Variants in NME1 observed in about 807,000 individuals in gnomAD.
NME1 encodes the protein nucleoside diphosphate kinase A.
Under a neutral mutation model 17.2 loss-of-function variants are expected in NME1, and 9 were observed. That is an observed-to-expected ratio of 0.52 (90% CI 0.32 to 0.92). The LOEUF (loss-of-function observed/expected upper bound fraction) is 0.92, where lower values mean the gene tolerates loss of function less well. NME1 is among the 40% of genes least tolerant of loss of function. The probability of loss-of-function intolerance (pLI) is 0.04; values close to 1 mark genes in which losing one functional copy is unlikely to be tolerated. For missense variants in NME1, 169 were observed against 201.7 expected (o/e 0.84, Z 0.98); for synonymous variants, 72 against 70.8 (o/e 1.02, Z -0.09).
At chr17:51,154,038 G>A (rs1181840218) in intron 1 of NME1, 2 of 348,928 alleles carry the variant, frequency 5.7e-6, no homozygotes, top group East Asian at 1.3e-4. Flanking sequence ...CGGGACCGAT[G>A]TGGAGGGACA....
intron 2 of NME1, 71 bp downstream of exon 2, chr17:51,155,851 T>C: frequency 6.2e-7 from 1 of 1,601,324 alleles, no homozygotes; most frequent in Non-Finnish European, 8.5e-7. Context: ...AACCTGTTTC[T>C]CCCCGTCTTT....
intron 3 of NME1, 38 bp downstream of exon 3, chr17:51,160,119 G>A (rs1209538662): frequency 3.7e-6 from 6 of 1,607,174 alleles, no homozygotes; most frequent in South Asian, 1.1e-5. Context: ...AGTATGCATT[G>A]CTTGTCATCT....
At chr17:51,160,287 T>G in intron 3 of NME1, 1 of 672,570 alleles carries the variant, frequency 1.5e-6, no homozygotes, top group Non-Finnish European at 2.7e-6. Context: ...GATTGGGTGA[T>G]CAAAGAACGC....
Position 51,155,753 on chromosome 17 carries a change from C to T in NME1, c.99C>T (p.Phe33=). The change falls in exon 2 of 5, where the codon TTC becomes TTT. Residue 33 remains phenylalanine, a synonymous_variant. Coordinates refer to ENST00000393196, the MANE Select transcript of NME1 (RefSeq NM_000269.3). ...TCAAGCGTTTTGAGCAGAAAGGATT[C>T]CGCCTTGTTGGTCTGAAATTCATGC... The part of the protein sequence containing the change: ...EIIKRFEQKG[F]RLVGLKFMQA... The T allele has an allele frequency of 1.2e-6, 2 of 1,613,984 alleles. No individual in the cohort carries two copies. The highest frequency in any genetic ancestry group is 2.2e-5 in the South Asian group (2 of 91,066).
chr17:51,159,835 G>A, intron 2 of NME1, 145 bp from the exon 3 acceptor site: 3 of 869,624 alleles, frequency 3.4e-6, no homozygotes, highest in Non-Finnish European at 1.9e-6. Context: ...CTCCCTTCCA[G>A]TGTGGAGAAT....
In NME1 at chr17:51,162,065, T is replaced by A; in HGVS notation, c.*220T>A. 1 of 528,248 alleles carries A rather than the reference T, an allele frequency of 1.9e-6. No individual in the cohort carries two copies. Among genetic ancestry groups the A allele is most frequent in the Non-Finnish European group, 3.4e-6 (1 of 292,770 alleles). 32.7% of individuals were successfully genotyped at this position (528,248 alleles called of 1,614,324 possible). A position where few individuals can be genotyped will look rare whatever the true frequency, so the allele number is the denominator to read the frequency against. ...ATTCATTGAGTTGGTTACTTCATAT[T>A]GTTGCATTGCTTTTTTTTCCTTCTT... is the stretch of plus-strand genomic sequence containing the variant. On this transcript the variant is annotated 3_prime_UTR_variant, in exon 5 of 5. Transcript: ENST00000393196.
intron 2 of NME1, 57 bp from the exon 3 acceptor site, chr17:51,159,923 G>T: frequency 6.2e-7 from 1 of 1,601,012 alleles, no homozygotes; most frequent in Non-Finnish European, 8.6e-7. Context: ...AAATTAAATG[G>T]ATTATATGTC....
chr17:51,155,061 G>A (rs138714204), intron 1 of NME1, among the ~76,000 whole-genome samples: 138 of 151,884 alleles, frequency 9.1e-4, no homozygotes, highest in African/African-American at 3.2e-3. Context: ...CCAACATGGT[G>A]AAACCCCATC....
At chr17:51,156,785 G>A (rs1221559492) in intron 2 of NME1, among the ~76,000 whole-genome samples, 2 of 151,664 alleles carry the variant, frequency 1.3e-5, no homozygotes, top group Non-Finnish European at 2.9e-5. Context: ...CCAGCTACTC[G>A]GGAGGCTGAG....
At position 51,161,268 on chromosome 17, in the gene NME1, G is replaced by T; in HGVS notation, c.337G>T (p.Gly113Cys). 1 of 1,606,834 alleles carries T rather than the reference G, an allele frequency of 6.2e-7. No homozygotes were observed. The highest frequency in any genetic ancestry group is 8.5e-7 in the Non-Finnish European group (1 of 1,176,560). The change falls in exon 4 of 5, where the codon GGC (glycine) becomes TGC (cysteine). Residue 113 changes from glycine (G) to cysteine (C), a missense_variant. Physicochemically the swap from Gly to Cys is radical, Grantham distance 159 (BLOSUM62 -3). Transcript: ENST00000393196. The part of the protein sequence containing the change: ...TIRGDFCIQV[G>C]RNIIHGSDSV... Reference sequence around the variant, plus strand: ...CCGTGGAGACTTCTGCATACAAGTTGGCAGGTGAGATTTTGGTATTTTTCC... The same window carrying T: ...CCGTGGAGACTTCTGCATACAAGTTTGCAGGTGAGATTTTGGTATTTTTCC...
At chr17:51,158,060 A>T (rs1443572080) in intron 2 of NME1, among the ~76,000 whole-genome samples, 1 of 152,184 alleles carries the variant, frequency 6.6e-6, no homozygotes, top group Non-Finnish European at 1.5e-5. Flanking sequence ...TGGGTGGATC[A>T]TCTGAGGTCA....
intron 1 of NME1, chr17:51,154,408 A>G: frequency 6.2e-7 from 1 of 1,614,150 alleles, no homozygotes; most frequent in Non-Finnish European, 8.5e-7. Flanking sequence ...ATCGTCTTTC[A>G]AGGCGAGGGG....
chr17:51,158,782 G>A (rs193066960), intron 2 of NME1, among the ~76,000 whole-genome samples: 12 of 152,190 alleles, frequency 7.9e-5, no homozygotes, highest in African/African-American at 1.7e-4. Context: ...TTTAACAAGC[G>A]TATATGCAGT....
At position 51,160,052 on chromosome 17, in the gene NME1, TA is replaced by T; in HGVS notation, c.200del (p.Tyr67SerfsTer7). On this transcript the variant is annotated frameshift_variant, in exon 3 of 5. Transcript: ENST00000393196. LOFTEE classifies it high-confidence loss of function. Reference protein sequence around the residue: ...DRPFFAGLVKYMHSGPVVAMV... With the variant: ...DRPFFAGLVKXMHSGPVVAMV... ...TCCATTCTTTGCCGGCCTGGTGAAA[TA>T]CATGCACTCAGGGCCGGTAGTTGCC... is the stretch of plus-strand genomic sequence containing the variant. The T allele has an allele frequency of 6.2e-7, 1 of 1,614,186 alleles. No individual in the cohort carries two copies. The highest frequency in any genetic ancestry group is 1.7e-5 in the Admixed American group (1 of 60,006).
chr17:51,159,261 C>T (rs1338873141), intron 2 of NME1, among the ~76,000 whole-genome samples: 2 of 151,150 alleles, frequency 1.3e-5, no homozygotes, highest in Non-Finnish European at 2.9e-5. Context: ...TGAGACCAGC[C>T]TGGGCAACAT....
At chr17:51,161,672 G>A in intron 4 of NME1, 56 bp from the exon 5 acceptor site, 1 of 1,263,332 alleles carries the variant, frequency 7.9e-7, no homozygotes, top group East Asian at 2.3e-5. Context: ...TTCTGGCAAT[G>A]GGCGCATTTT....
intron 1 of NME1, among the ~76,000 whole-genome samples, chr17:51,155,330 C>G (rs941499260): frequency 6.6e-6 from 1 of 151,980 alleles, no homozygotes; most frequent in African/African-American, 2.4e-5. Flanking sequence ...GGGCAGATCA[C>G]TTGAGGACAA....
At chr17:51,157,194 G>A (rs1420225042) in intron 2 of NME1, among the ~76,000 whole-genome samples, 1 of 151,864 alleles carries the variant, frequency 6.6e-6, no homozygotes, top group Non-Finnish European at 1.5e-5. Context: ...AGCACTTTGG[G>A]AGGCTCCGTC....
chr17:51,154,431 A>G (rs752650478), intron 1 of NME1: 2 of 1,613,878 alleles, frequency 1.2e-6, no homozygotes, highest in African/African-American at 2.7e-5. Flanking sequence ...TCCTATCTCA[A>G]GCTGTGATAC....
Sources: gnomAD v4.1 joint callset for allele counts (sites outside exome capture counted in the v4.1 genomes callset) on GRCh38, gnomAD v4.1.1 for gene constraint, MANE v1.5 for transcripts, NCBI Gene and HGNC (gene_info 2026-07-23, HGNC 2026-07-21) for gene names.